ADAMTSL1: variants seen among roughly 807,000 people sequenced by gnomAD.
The protein encoded by ADAMTSL1 is ADAMTS like 1.
Under a neutral mutation model 201.8 loss-of-function variants are expected in ADAMTSL1, and 126 were observed. That is an observed-to-expected ratio of 0.62 (90% CI 0.54 to 0.72). The LOEUF is 0.72. ADAMTSL1 is among the 30% of genes least tolerant of loss of function. The probability of loss-of-function intolerance (pLI) is 0.00; values close to 1 mark genes in which losing one functional copy is unlikely to be tolerated. For synonymous variants in ADAMTSL1, 1,121 were observed against 903.4 expected, an observed-to-expected ratio of 1.24 and a Z score of -4.32; for missense variants, 2,679 against 2,277.8, an observed-to-expected ratio of 1.18 and a Z score of -3.59.
chr9:18,137,674 G>A (rs557771818), intron 1 of ADAMTSL1, among the ~76,000 whole-genome samples: 1 of 152,226 alleles, frequency 6.6e-6, no homozygotes, highest in African/African-American at 2.4e-5. Context: ...CCCTGTGGAA[G>A]AAAAAATAAT....
chr9:17,962,177 G>T (rs958398955), intron 1 of ADAMTSL1, among the ~76,000 whole-genome samples: 1 of 152,112 alleles, frequency 6.6e-6, no homozygotes, highest in Non-Finnish European at 1.5e-5. Flanking sequence ...GCTGACCAGG[G>T]TGAAACCAGA....
intron 2 of ADAMTSL1, among the ~76,000 whole-genome samples, chr9:18,200,378 C>T (rs192207461): frequency 6.6e-6 from 1 of 152,058 alleles, no homozygotes; most frequent in Admixed American, 6.6e-5. Flanking sequence ...TCTTTTGGAA[C>T]TGTATAAATT....
upstream of ADAMTSL1, among the ~76,000 whole-genome samples, chr9:18,472,610 G>A (rs1214595272): frequency 6.6e-6 from 1 of 152,108 alleles, no homozygotes; most frequent in East Asian, 1.9e-4. Context: ...TCACCTTTTT[G>A]AAAAGCAACG....
At chr9:18,681,709 G>GGT in intron 11 of ADAMTSL1, 103 bp from the exon 12 acceptor site, 3 of 739,136 alleles carry the variant, frequency 4.1e-6, no homozygotes, top group Non-Finnish European at 5.6e-6. Context: ...GGGGGGGGGG[G>GGT]CGGGGAAAAA....
intron 2 of ADAMTSL1, among the ~76,000 whole-genome samples, chr9:18,436,348 A>G (rs1344866919): frequency 1.3e-5 from 2 of 152,108 alleles, no homozygotes; most frequent in East Asian, 1.9e-4. Context: ...ACCACATCCC[A>G]TGCACCTCCT....
chr9:18,214,582 A>G (rs1829996194), intron 2 of ADAMTSL1, among the ~76,000 whole-genome samples: 1 of 152,232 alleles, frequency 6.6e-6, no homozygotes, highest in Admixed American at 6.5e-5. Flanking sequence ...TGATATAACA[A>G]CAGTTCCACA....
intron 23 of ADAMTSL1, among the ~76,000 whole-genome samples, chr9:18,840,283 T>G (rs1378947163): frequency 6.6e-6 from 1 of 152,128 alleles, no homozygotes; most frequent in South Asian, 2.1e-4. Flanking sequence ...CACCATTTAT[T>G]AAATAGGGAA....
intron 1 of ADAMTSL1, among the ~76,000 whole-genome samples, chr9:17,928,047 T>A (rs1466920874): frequency 1.3e-5 from 2 of 151,422 alleles, no homozygotes. Flanking sequence ...CAGGCTGGAG[T>A]GCATTGGTAC....
At chr9:18,201,654 C>G (rs926897355) in intron 2 of ADAMTSL1, among the ~76,000 whole-genome samples, 2 of 152,004 alleles carry the variant, frequency 1.3e-5, no homozygotes, top group African/African-American at 4.8e-5. Flanking sequence ...AAATATAAAA[C>G]TAATAAAAGA....
At chr9:18,701,269 G>A (rs2133301846) in intron 13 of ADAMTSL1, among the ~76,000 whole-genome samples, 1 of 141,794 alleles carries the variant, frequency 7.1e-6, no homozygotes, top group South Asian at 2.2e-4. Context: ...CAGCAGGCTG[G>A]AATACAGTAG....
At chr9:17,930,810 G>C (rs1168277209) in intron 1 of ADAMTSL1, among the ~76,000 whole-genome samples, 1 of 152,150 alleles carries the variant, frequency 6.6e-6, no homozygotes, top group African/African-American at 2.4e-5. Flanking sequence ...TGTGCATCTT[G>C]ACTGAACAAA....
intron 2 of ADAMTSL1, among the ~76,000 whole-genome samples, chr9:18,361,678 C>T (rs1291574968): frequency 1.3e-5 from 2 of 152,146 alleles, no homozygotes; most frequent in African/African-American, 4.8e-5. Flanking sequence ...AGCAACACCA[C>T]ACTAATTTAG....
chr9:18,638,804 C>T (rs1335846453), intron 6 of ADAMTSL1, among the ~76,000 whole-genome samples: 2 of 152,064 alleles, frequency 1.3e-5, no homozygotes, highest in East Asian at 3.9e-4. Flanking sequence ...CAGGCTAATG[C>T]ACGAATATAA....
At chr9:18,313,184 A>G (rs764315075) in intron 2 of ADAMTSL1, among the ~76,000 whole-genome samples, 6 of 152,210 alleles carry the variant, frequency 3.9e-5, no homozygotes, top group Non-Finnish European at 7.3e-5. Context: ...TTGCATTTCT[A>G]ACTAGTTCTT....
rs561247762 is a variant in ADAMTSL1 at position 18,889,896 on chromosome 9, G to C, written c.4643+148G>C. 185 of 763,782 alleles carry C rather than the reference G, an allele frequency of 2.4e-4. 1 individual carries two copies. The highest frequency in any genetic ancestry group is 1.2e-3 in the Admixed American group (31 of 26,324). 47.3% of individuals were successfully genotyped at this position (763,782 alleles called of 1,614,324 possible). A position where few individuals can be genotyped will look rare whatever the true frequency, so the allele number is the denominator to read the frequency against. ...CTTCCCTCTAGGCACAGGCTTATCA[G>C]GCCTCTCCACCTTGCTGAAAATATC... On this transcript the variant is annotated intron_variant, in intron 25 of 28. Transcript: ENST00000380548.
chr9:18,290,783 T>G (rs1237480492), intron 2 of ADAMTSL1, among the ~76,000 whole-genome samples: 10 of 80,196 alleles, frequency 1.2e-4, no homozygotes, highest in South Asian at 6.7e-4. Flanking sequence ...TTTTGTGTGT[T>G]TTTTTTTTTT....
chr9:17,985,594 C>T (rs1629208), intron 1 of ADAMTSL1, among the ~76,000 whole-genome samples: 42,213 of 151,802 alleles, frequency 0.28, 6,451 homozygotes, highest in East Asian at 0.47. Flanking sequence ...AACATTTTGC[C>T]GTATTGAGTT....
chr9:18,361,170 G>A (rs9407898), intron 2 of ADAMTSL1, among the ~76,000 whole-genome samples: 148,364 of 152,254 alleles, frequency 0.97, 72,397 homozygotes, highest in East Asian at 1. Flanking sequence ...AATAGCATGA[G>A]AAAAAACAAA....
intron 5 of ADAMTSL1, among the ~76,000 whole-genome samples, chr9:18,630,629 T>C (rs1225585151): frequency 6.7e-6 from 1 of 148,706 alleles, no homozygotes; most frequent in Non-Finnish European, 1.5e-5. Flanking sequence ...TTGGGCCTTA[T>C]CTGATGTGTT....
Sources: gnomAD v4.1 joint callset for allele counts (sites outside exome capture counted in the v4.1 genomes callset) on GRCh38, gnomAD v4.1.1 for gene constraint, MANE v1.5 for transcripts, NCBI Gene and HGNC (gene_info 2026-07-23, HGNC 2026-07-21) for gene names.